The following AFAP1 variants were observed in gnomAD, a reference collection of about 807,000 sequenced individuals.
AFAP1 encodes actin filament-associated protein 1.
AFAP1 carries 75 observed loss-of-function variants against 93.9 expected under a neutral mutation model. That is an observed-to-expected ratio of 0.80 (90% CI 0.66 to 0.97). AFAP1 has a LOEUF of 0.97. Ranked by LOEUF, AFAP1 falls within the 50% of genes least tolerant of loss-of-function variation. The pLI is 0.00. For missense variants in AFAP1, 1,201 were observed against 1,050.8 expected (o/e 1.14, Z -1.98); for synonymous variants, 517 against 430.7 (o/e 1.20, Z -2.48).
chr4:7,852,443 T>C (rs28485535), intron 4 of AFAP1, among the ~76,000 whole-genome samples: 105,051 of 151,730 alleles, frequency 0.69, 37,140 homozygotes, highest in Non-Finnish European at 0.78. Flanking sequence ...CGGACCCCAA[T>C]TGTGAGGAAG....
chr4:7,868,347 G>C (rs532176627), intron 3 of AFAP1, among the ~76,000 whole-genome samples: 1 of 152,306 alleles, frequency 6.6e-6, no homozygotes, highest in East Asian at 1.9e-4. Context: ...CGTAAGAAAA[G>C]ATGTCTGTGG....
chr4:7,868,455 A>G (rs1716670549), intron 3 of AFAP1, among the ~76,000 whole-genome samples, 167 bp downstream of exon 3: 1 of 152,202 alleles, frequency 6.6e-6, no homozygotes, highest in African/African-American at 2.4e-5. Context: ...TCTACCAACT[A>G]GCTATCACTC....
chr4:7,840,267 T>TGTGTGCGC (rs1712836619), intron 5 of AFAP1, among the ~76,000 whole-genome samples: 1 of 144,822 alleles, frequency 6.9e-6, no homozygotes, highest in South Asian at 2.2e-4. Flanking sequence ...TTGGGATGTG[T>TGTGTGCGC]GTGTGTGTGT....
intron 6 of AFAP1, among the ~76,000 whole-genome samples, chr4:7,825,908 C>A (rs188157196): frequency 1.5e-4 from 23 of 148,934 alleles, no homozygotes; most frequent in African/African-American, 5.5e-4. Context: ...GAAGAGCATG[C>A]AAGACCATCA....
At chr4:7,851,904 G>A (rs889379275) in intron 4 of AFAP1, among the ~76,000 whole-genome samples, 7 of 152,132 alleles carry the variant, frequency 4.6e-5, no homozygotes, top group Non-Finnish European at 8.8e-5. Flanking sequence ...GGGCCTTAAA[G>A]AATGTCCTGT....
rs1713556557 is a variant in AFAP1, at chr4:7,760,035, G to C, written c.*3730C>G. On this transcript the variant is annotated 3_prime_UTR_variant, in exon 18 of 18. Transcript: ENST00000420658. Reference sequence around the variant, plus strand: ...ATTAATAGCCTTTTTGGAAAGGGAAGGTGTGGCCACAAACAGGGGAGCTTT... The same window carrying C: ...ATTAATAGCCTTTTTGGAAAGGGAACGTGTGGCCACAAACAGGGGAGCTTT... 1 of 152,236 alleles carries C rather than the reference G, an allele frequency of 6.6e-6. No homozygotes were observed. The highest frequency in any genetic ancestry group is 2.4e-5 in the African/African-American group (1 of 41,470). The allele number at this position is 152,236 out of a possible 1,614,324, so 9.4% of individuals were successfully genotyped here.
intron 14 of AFAP1, chr4:7,776,475 G>C (rs747479254): frequency 1.3e-5 from 2 of 152,180 alleles, no homozygotes; most frequent in Non-Finnish European, 2.9e-5. Context: ...GCCTGATGTA[G>C]TGGACATTCA....
intron 12 of AFAP1, 130 bp from the exon 13 acceptor site, chr4:7,781,757 AG>A: frequency 8.2e-7 from 1 of 1,225,200 alleles, no homozygotes; most frequent in Non-Finnish European, 1.1e-6. Context: ...TCCTGCACAC[AG>A]ACTGCAGTTG....
At chr4:7,860,023 G>A (rs1715492362) in intron 3 of AFAP1, among the ~76,000 whole-genome samples, 1 of 151,994 alleles carries the variant, frequency 6.6e-6, no homozygotes. Flanking sequence ...CATGCCTATA[G>A]TCCCAACTGC....
At chr4:7,775,136 G>C (rs1173338450) in intron 14 of AFAP1, 3 of 460,984 alleles carry the variant, frequency 6.5e-6, no homozygotes, top group Non-Finnish European at 1.1e-5. Context: ...GAGACCCCGT[G>C]TCAAAAAAAA....
rs6814307 is a variant in AFAP1 at position 7,800,658 on chromosome 4, G to A, written c.1055-5C>T. The A allele has an allele frequency of 8.6e-3, 13,860 of 1,614,086 alleles. 1,041 individuals are homozygous for A. The African/African-American group carries it at 0.16, about 19-fold the overall frequency. Reference sequence around the variant, plus strand: ...TGGAGAGCACGTTCAGATAGCCTGCGGAGACACAAGGCCACAGGTCAGCCG... The same window carrying A: ...TGGAGAGCACGTTCAGATAGCCTGCAGAGACACAAGGCCACAGGTCAGCCG... On this transcript the variant is annotated splice_region_variant and splice_polypyrimidine_tract_variant and intron_variant, in intron 9 of 17. Coordinates refer to ENST00000420658, the MANE Select transcript of AFAP1 (RefSeq NM_001134647.2).
intron 1 of AFAP1, among the ~76,000 whole-genome samples, chr4:7,923,165 C>G (rs1001194041): frequency 6.6e-6 from 1 of 152,110 alleles, no homozygotes; most frequent in Non-Finnish European, 1.5e-5. Flanking sequence ...AGCAAAGGCC[C>G]TGGGCTCACA....
intron 12 of AFAP1, 106 bp downstream of exon 12, chr4:7,786,088 A>G: frequency 9.8e-7 from 1 of 1,019,262 alleles, no homozygotes; most frequent in African/African-American, 1.6e-5. Context: ...AGAGCATTAA[A>G]AAGCTGACCT....
chr4:7,775,083 G>A (rs73206593), intron 14 of AFAP1, 180 bp from the exon 15 acceptor site: 72,808 of 683,162 alleles, frequency 0.11, 4,547 homozygotes, highest in Non-Finnish European at 0.13. Context: ...TGAGGCTGCA[G>A]TGAGCTGTGA....
intron 5 of AFAP1, 101 bp from the exon 6 acceptor site, chr4:7,838,804 C>G (rs1414189054): frequency 1.6e-6 from 2 of 1,290,010 alleles, no homozygotes; most frequent in Non-Finnish European, 2.2e-6. Context: ...GGCAAGGCAT[C>G]TGAAAGTCTG....
chr4:7,880,542 T>C (rs1438385208), intron 1 of AFAP1, among the ~76,000 whole-genome samples: 1 of 152,132 alleles, frequency 6.6e-6, no homozygotes, highest in Non-Finnish European at 1.5e-5. Context: ...CCTCCCAAAG[T>C]GCTGGGATTA....
At chr4:7,792,206 G>A (rs542401967) in intron 11 of AFAP1, among the ~76,000 whole-genome samples, 125 of 152,244 alleles carry the variant, frequency 8.2e-4, no homozygotes, top group African/African-American at 2.7e-3. Flanking sequence ...GTCTCTTACC[G>A]CCAACTGCCA....
At position 7,766,314 on chromosome 4, in the gene AFAP1, G is replaced by A. The variant is rs114875047; in HGVS notation, c.2419-2523C>T. ...GCCCAGGGGACAGCATCACAAGGTC[G>A]GCGCTCAAGGGCAGTCCTCTGTTGT... On this transcript the variant is annotated intron_variant, in intron 17 of 17. Transcript: ENST00000420658. Among the ~76,000 whole-genome samples, 769 of 152,278 alleles carry A rather than the reference G, an allele frequency of 5.0e-3. 4 individuals carry two copies. Among genetic ancestry groups the A allele is most frequent in the African/African-American group, 0.017 (701 of 41,548 alleles).
chr4:7,904,990 A>T (rs995427300), intron 1 of AFAP1, among the ~76,000 whole-genome samples: 1 of 152,194 alleles, frequency 6.6e-6, no homozygotes, highest in Non-Finnish European at 1.5e-5. Context: ...TTACAGGTTT[A>T]GGCCACTGTG....
Sources: allele counts gnomAD v4.1 joint callset (sites outside exome capture counted in the v4.1 genomes callset), GRCh38; gene constraint gnomAD v4.1.1; transcripts MANE v1.5; gene names NCBI Gene and HGNC (gene_info 2026-07-23, HGNC 2026-07-21).